Variants in DYSF observed in about 807,000 individuals in gnomAD.
DYSF encodes dystrophy-associated fer-1-like 1.
DYSF carries 212 observed loss-of-function variants against 274.9 expected under a neutral mutation model. The observed-to-expected ratio is 0.77, with a 90% CI of 0.69 to 0.86. The LOEUF (loss-of-function observed/expected upper bound fraction) is 0.86, where lower values mean the gene tolerates loss of function less well. Among genes scored for constraint, DYSF ranks in the 40% least tolerant of loss-of-function variants. The pLI is 0.00. For missense variants in DYSF, 2,666 were observed against 2,783.2 expected (o/e 0.96, Z 0.95); for synonymous variants, 1,091 against 1,078.7 (o/e 1.01, Z -0.22).
At chr2:71,553,752 A>AAGC in intron 20 of DYSF, 55 bp from the exon 21 acceptor site, 1 of 267,804 alleles carries the variant, frequency 3.7e-6, no homozygotes, top group Non-Finnish European at 6.7e-6. Context: ...TTAGCACCCC[A>AAGC]TCCCACCCGC....
chr2:71,637,650 G>T (rs1572885386), intron 41 of DYSF, among the ~76,000 whole-genome samples: 1 of 152,294 alleles, frequency 6.6e-6, no homozygotes, highest in Admixed American at 6.5e-5. Flanking sequence ...AGCCACATTT[G>T]GTTGTGGGGG....
intron 42 of DYSF, among the ~76,000 whole-genome samples, chr2:71,654,537 C>G (rs2094730415): frequency 6.6e-6 from 1 of 152,152 alleles, no homozygotes; most frequent in South Asian, 2.1e-4. Flanking sequence ...AATCCCTGCA[C>G]TTTGGGAGGC....
At chr2:71,627,973 A>T (rs1290155396) in intron 41 of DYSF, among the ~76,000 whole-genome samples, 1 of 151,952 alleles carries the variant, frequency 6.6e-6, no homozygotes, top group African/African-American at 2.4e-5. Flanking sequence ...TCTGTCTTTA[A>T]GTTTTAGCTA....
intron 13 of DYSF, among the ~76,000 whole-genome samples, chr2:71,527,140 AGATTGACTC>A (rs538248887): frequency 6.6e-4 from 100 of 152,338 alleles, no homozygotes; most frequent in African/African-American, 2.3e-3. Context: ...CCAGCGTTTT[AGATTGACTC>A]GAGTTAGGGC....
At chr2:71,600,971 A>T (rs562475672) in intron 34 of DYSF, 129 bp downstream of exon 34, 3 of 1,209,932 alleles carry the variant, frequency 2.5e-6, no homozygotes, top group Non-Finnish European at 3.5e-6. Context: ...CTGAACCCTA[A>T]GTCAGGACAC....
intron 13 of DYSF, among the ~76,000 whole-genome samples, chr2:71,527,918 T>A (rs535002496): frequency 6.6e-6 from 1 of 152,298 alleles, no homozygotes; most frequent in African/African-American, 2.4e-5. Context: ...CTAATAGATT[T>A]AAAGGAAAAT....
intron 17 of DYSF, among the ~76,000 whole-genome samples, chr2:71,550,611 G>C (rs564819630): frequency 6.6e-6 from 1 of 152,090 alleles, no homozygotes; most frequent in Non-Finnish European, 1.5e-5. Context: ...CTATAGAAGC[G>C]TAGGATGGAG....
chr2:71,491,166 A>G (rs1003084629), intron 3 of DYSF, among the ~76,000 whole-genome samples: 42 of 152,308 alleles, frequency 2.8e-4, no homozygotes, highest in African/African-American at 9.6e-4. Flanking sequence ...AAAGTTGAGC[A>G]TCTTTTGTGT....
intron 3 of DYSF, among the ~76,000 whole-genome samples, chr2:71,495,249 TTTG>T (rs1239042737): frequency 6.6e-6 from 1 of 151,686 alleles, no homozygotes; most frequent in East Asian, 1.9e-4. Flanking sequence ...TCACTACATA[TTTG>T]TTGAATGAAT....
intron 21 of DYSF, 128 bp downstream of exon 21, chr2:71,554,059 T>C: frequency 7.0e-7 from 1 of 1,426,902 alleles, no homozygotes; most frequent in Non-Finnish European, 9.8e-7. Flanking sequence ...CTGACCTTTG[T>C]GGTTGGTGTC....
chr2:71,683,655 G>C (rs2095322603), intron 55 of DYSF, among the ~76,000 whole-genome samples: 1 of 152,234 alleles, frequency 6.6e-6, no homozygotes, highest in African/African-American at 2.4e-5. Flanking sequence ...AGGCTGCACA[G>C]TATTCCATGC....
chr2:71,476,842 T>C (rs2082433165), intron 1 of DYSF, among the ~76,000 whole-genome samples: 1 of 141,006 alleles, frequency 7.1e-6, no homozygotes, highest in South Asian at 2.2e-4. Flanking sequence ...TTTTTTTCCA[T>C]GGAATACTGT....
Position 71,658,989 on chromosome 2 carries a change from ATTGTCCGAGCAT to A in DYSF, c.4871_4882del (p.Val1624_Phe1627del). The A allele has an allele frequency of 2.5e-6, 4 of 1,614,092 alleles. No individual in the cohort carries two copies. The highest frequency in any genetic ancestry group is 3.4e-6 in the Non-Finnish European group (4 of 1,180,004). ...CCAGGAGTGCTTGGTCCGTATCTAC[ATTGTCCGAGCAT>A]TTGGCCTGCAGCCCAAGGACCCCAA... On this transcript the variant is annotated inframe_deletion, in exon 44 of 56. Coordinates refer to ENST00000410020, the MANE Select transcript of DYSF (RefSeq NM_001130987.2).
At chr2:71,532,830 T>TTCTATCTATCTATCTATCTA (rs61396446) in intron 14 of DYSF, among the ~76,000 whole-genome samples, 7 of 147,438 alleles carry the variant, frequency 4.7e-5, no homozygotes, top group African/African-American at 1.5e-4. Context: ...AGTACATTTA[T>TTCTATCTATCTATCTATCTA]TCTATCTATC....
intron 17 of DYSF, among the ~76,000 whole-genome samples, chr2:71,541,271 G>A (rs1410552847): frequency 6.6e-6 from 1 of 152,180 alleles, no homozygotes. Context: ...CCCTTTTTGA[G>A]TGGGTATAGT....
chr2:71,544,340 G>A (rs113820554), intron 17 of DYSF, among the ~76,000 whole-genome samples: 1,525 of 152,170 alleles, frequency 0.01, 8 homozygotes, highest in Non-Finnish European at 0.015. Flanking sequence ...GTTTCTGGCC[G>A]ACTCTACCCA....
intron 3 of DYSF, among the ~76,000 whole-genome samples, chr2:71,499,607 G>A (rs533548220): frequency 7.4e-4 from 112 of 152,220 alleles, no homozygotes; most frequent in Non-Finnish European, 1.3e-3. Context: ...CCCCTGGATG[G>A]TGAGTTTGGG....
chr2:71,594,264 C>T (rs1187644805), intron 32 of DYSF, among the ~76,000 whole-genome samples: 1 of 152,152 alleles, frequency 6.6e-6, no homozygotes, highest in Non-Finnish European at 1.5e-5. Flanking sequence ...TTAAGCACAG[C>T]TTTTTGTTAA....
At chr2:71,574,444 G>C (rs2092632334) in intron 30 of DYSF, 73 bp downstream of exon 30, 2 of 1,560,048 alleles carry the variant, frequency 1.3e-6, no homozygotes. Flanking sequence ...GGGCTGATGT[G>C]GGAGAGGCAC....
Sources: allele counts gnomAD v4.1 joint callset (sites outside exome capture counted in the v4.1 genomes callset), GRCh38; gene constraint gnomAD v4.1.1; transcripts MANE v1.5; gene names NCBI Gene and HGNC (gene_info 2026-07-23, HGNC 2026-07-21).